The following KCTD16 variants were observed in gnomAD, a reference collection of about 807,000 sequenced individuals.
The protein encoded by KCTD16 is potassium channel tetramerization domain containing 16.
Under a neutral mutation model 33.2 loss-of-function variants are expected in KCTD16, and 13 were observed. The ratio of observed to expected loss-of-function variants is 0.39; its 90% CI spans 0.25 to 0.62. The LOEUF (loss-of-function observed/expected upper bound fraction) is 0.62, where lower values mean the gene tolerates loss of function less well. Ranked by LOEUF, KCTD16 falls within the 20% of genes least tolerant of loss-of-function variation. The pLI is 0.50. For missense variants in KCTD16, 441 were observed against 525.1 expected, an observed-to-expected ratio of 0.84 and a Z score of 1.57; for synonymous variants, 197 against 195.3, an observed-to-expected ratio of 1.01 and a Z score of -0.07.
At chr5:144,348,324 C>G (rs1752858415) in intron 3 of KCTD16, among the ~76,000 whole-genome samples, 2 of 142,060 alleles carry the variant, frequency 1.4e-5, no homozygotes. Flanking sequence ...ATTATTATCT[C>G]TATCATAGTT....
chr5:144,439,611 A>T (rs1753656252), intron 3 of KCTD16: 2 of 196,572 alleles, frequency 1.0e-5, no homozygotes, highest in South Asian at 1.6e-4. Context: ...ACGCTTTTTG[A>T]ATGTGCTGGT....
chr5:144,290,964 T>C (rs1196215085), intron 3 of KCTD16, among the ~76,000 whole-genome samples: 1 of 152,242 alleles, frequency 6.6e-6, no homozygotes, highest in African/African-American at 2.4e-5. Context: ...TATTTTAATA[T>C]GGATTACAAA....
chr5:144,425,437 C>T (rs181275533), intron 3 of KCTD16, among the ~76,000 whole-genome samples: 3 of 151,720 alleles, frequency 2.0e-5, no homozygotes, highest in Admixed American at 2.0e-4. Context: ...ACCTAGAGTA[C>T]TGGGGTCTCT....
At chr5:144,394,335 C>T (rs907432079) in intron 3 of KCTD16, among the ~76,000 whole-genome samples, 2 of 152,086 alleles carry the variant, frequency 1.3e-5, no homozygotes, top group African/African-American at 2.4e-5. Flanking sequence ...AAAGTACCTT[C>T]ATGTCATACA....
chr5:144,269,689 G>A (rs1020206730), intron 3 of KCTD16, among the ~76,000 whole-genome samples: 1 of 151,994 alleles, frequency 6.6e-6, no homozygotes, highest in African/African-American at 2.4e-5. Flanking sequence ...TACAGGGGCC[G>A]TTATGAAAGC....
At chr5:144,324,187 G>A (rs953015141) in intron 3 of KCTD16, among the ~76,000 whole-genome samples, 1 of 152,068 alleles carries the variant, frequency 6.6e-6, no homozygotes, top group African/African-American at 2.4e-5. Flanking sequence ...CATTTACCAT[G>A]ATGTAACTAA....
chr5:144,217,228 G>C (rs1186322507), intron 3 of KCTD16, among the ~76,000 whole-genome samples: 3 of 152,180 alleles, frequency 2.0e-5, no homozygotes, highest in Non-Finnish European at 4.4e-5. Context: ...ATTTACATCA[G>C]TTAAAGACAT....
intron 2 of KCTD16, among the ~76,000 whole-genome samples, chr5:144,186,591 G>T (rs1018044446): frequency 4.6e-5 from 7 of 152,072 alleles, no homozygotes; most frequent in African/African-American, 1.7e-4. Flanking sequence ...AAAGCAGAAG[G>T]ACTTTAAAAA....
rs571100221 is a variant in KCTD16, at chr5:144,259,074, C to T, written c.832+51528C>T. ...GAGATCGAGACCATCCTGGCTAACA[C>T]GGTGAAACCCCGTCTCTACTAAAAA... On this transcript the variant is annotated intron_variant, in intron 3 of 3. Transcript: ENST00000512467. Among the ~76,000 whole-genome samples the T allele has an allele frequency of 1.4e-4, 21 of 151,872 alleles. No individual in the cohort carries two copies. The East Asian group carries it at 2.5e-3, about 18-fold the overall frequency.
chr5:144,408,285 C>T (rs1057366719), intron 3 of KCTD16, among the ~76,000 whole-genome samples: 3 of 152,170 alleles, frequency 2.0e-5, no homozygotes, highest in Non-Finnish European at 4.4e-5. Context: ...TGTAAATAAT[C>T]ACTGGCTCTG....
intron 3 of KCTD16, among the ~76,000 whole-genome samples, chr5:144,236,119 T>G (rs184499356): frequency 1.3e-5 from 2 of 152,116 alleles, no homozygotes; most frequent in Non-Finnish European, 2.9e-5. Context: ...ATGCTGAAGA[T>G]AGATAAAAAA....
chr5:144,384,175 A>C (rs1242505819), intron 3 of KCTD16: 2 of 152,208 alleles, frequency 1.3e-5, no homozygotes, highest in African/African-American at 4.8e-5. Flanking sequence ...TCTCATGCAG[A>C]TCAGGTAGCA....
intron 3 of KCTD16, among the ~76,000 whole-genome samples, chr5:144,462,800 C>A (rs139261497): frequency 6.6e-6 from 1 of 152,214 alleles, no homozygotes; most frequent in East Asian, 1.9e-4. Context: ...AGTGGCACAC[C>A]CTTGCTTTCA....
At chr5:144,222,716 T>C (rs541629566) in intron 3 of KCTD16, among the ~76,000 whole-genome samples, 1 of 152,300 alleles carries the variant, frequency 6.6e-6, no homozygotes, top group Non-Finnish European at 1.5e-5. Flanking sequence ...AGTTCAACCA[T>C]TGTGGAAGAC....
Position 144,478,487 on chromosome 5 carries a change from T to C in KCTD16, c.*4373T>C, listed in dbSNP as rs1308399335. Reference sequence around the variant, plus strand: ...TTTCCAGTGATCTCCATTGCAAACTTTTTAATAGTGTTTTTTAATACTCAG... The same window carrying C: ...TTTCCAGTGATCTCCATTGCAAACTCTTTAATAGTGTTTTTTAATACTCAG... On this transcript the variant is annotated 3_prime_UTR_variant, in exon 4 of 4. Coordinates refer to ENST00000512467, the MANE Select transcript of KCTD16 (RefSeq NM_020768.4). The C allele has an allele frequency of 2.6e-5, 4 of 152,026 alleles. No individual in the cohort carries two copies. Among genetic ancestry groups the C allele is most frequent in the African/African-American group, 9.7e-5 (4 of 41,422 alleles). The allele number at this position is 152,026 out of a possible 1,614,324, so 9.4% of individuals were successfully genotyped here.
intron 3 of KCTD16, among the ~76,000 whole-genome samples, chr5:144,278,485 CTTTTTTT>C (rs1220359408): frequency 2.2e-5 from 2 of 89,986 alleles, no homozygotes; most frequent in East Asian, 3.0e-4. Context: ...TGTTAGTCTT[CTTTTTTT>C]TTTTTTTTTT....
chr5:144,266,111 A>G (rs1356849326), intron 3 of KCTD16, among the ~76,000 whole-genome samples: 1 of 152,182 alleles, frequency 6.6e-6, no homozygotes, highest in African/African-American at 2.4e-5. Flanking sequence ...GAGGTTGGGG[A>G]CAGCCTTTGA....
chr5:144,368,414 G>A lies in KCTD16; in HGVS notation c.833-105246G>A, dbSNP rs182678852. On this transcript the variant is annotated intron_variant, in intron 3 of 3. Coordinates refer to ENST00000512467, the MANE Select transcript of KCTD16 (RefSeq NM_020768.4). ...AGCGCAACATTGCTGGTTTCAGGAT[G>A]GAGAGAGACATGGGAAAAGGAATGT... Among the ~76,000 whole-genome samples, 164 of 152,204 alleles carry A rather than the reference G, an allele frequency of 1.1e-3. 1 individual carries two copies. Among genetic ancestry groups the A allele is most frequent in the Non-Finnish European group, 2.0e-3 (133 of 67,984 alleles).
At chr5:144,211,679 T>C (rs1369469103) in intron 3 of KCTD16, among the ~76,000 whole-genome samples, 1 of 152,162 alleles carries the variant, frequency 6.6e-6, no homozygotes, top group African/African-American at 2.4e-5. Flanking sequence ...AGTTCAGGCA[T>C]TTTGAGTAAG....
Sources: gnomAD v4.1 joint callset for allele counts (sites outside exome capture counted in the v4.1 genomes callset) on GRCh38, gnomAD v4.1.1 for gene constraint, MANE v1.5 for transcripts, NCBI Gene and HGNC (gene_info 2026-07-23, HGNC 2026-07-21) for gene names.